PTPRN2: variants seen among roughly 807,000 people sequenced by gnomAD.
PTPRN2 encodes the protein receptor-type tyrosine-protein phosphatase N2.
In PTPRN2, 74 loss-of-function variants were observed where a neutral mutation model predicts 118.8. The ratio of observed to expected loss-of-function variants is 0.62; its 90% CI spans 0.52 to 0.76. The LOEUF (loss-of-function observed/expected upper bound fraction) is 0.76, where lower values mean the gene tolerates loss of function less well. Among genes scored for constraint, PTPRN2 ranks in the 30% least tolerant of loss-of-function variants. The probability of loss-of-function intolerance (pLI) is 0.00; values close to 1 mark genes in which losing one functional copy is unlikely to be tolerated. For synonymous variants in PTPRN2, 641 were observed against 608.0 expected, an observed-to-expected ratio of 1.05 and a Z score of -0.80; for missense variants, 1,481 against 1,394.4, an observed-to-expected ratio of 1.06 and a Z score of -0.99.
chr7:157,719,106 G>A (rs1034896334), intron 12 of PTPRN2, among the ~76,000 whole-genome samples: 2 of 152,172 alleles, frequency 1.3e-5, no homozygotes, highest in African/African-American at 4.8e-5. Context: ...GCTCAGGCCT[G>A]CAGCCAAACC....
rs12671669 is a variant in PTPRN2, at chr7:158,224,748, A to C, written c.278-19475T>G. Among the ~76,000 whole-genome samples the C allele has an allele frequency of 0.011, 1,648 of 152,324 alleles. 88 individuals carry two copies. In the East Asian group the frequency reaches 0.17, roughly 16 times the overall value. ...AAATTGGCCTTCATCAAAATTAAAA[A>C]CTTTTGCTCTGTGGAAAGGCCCTCT... is the stretch of plus-strand genomic sequence containing the variant. On this transcript the variant is annotated intron_variant, in intron 3 of 22. Coordinates refer to ENST00000389418, the MANE Select transcript of PTPRN2 (RefSeq NM_002847.5).
At chr7:158,432,126 G>A (rs1563286301) in intron 2 of PTPRN2, among the ~76,000 whole-genome samples, 5 of 152,334 alleles carry the variant, frequency 3.3e-5, no homozygotes, top group South Asian at 4.1e-4. Context: ...TGTCCAGGGC[G>A]GGGAGGACTC....
chr7:157,817,321 C>T (rs79511290), intron 12 of PTPRN2, among the ~76,000 whole-genome samples: 114 of 152,292 alleles, frequency 7.5e-4, no homozygotes, highest in Middle Eastern at 6.8e-3. Flanking sequence ...CTCCCCCAAA[C>T]GAAGAATCAT....
Position 157,779,032 on chromosome 7 carries a change from G to A in PTPRN2, c.1789-96095C>T, listed in dbSNP as rs959343240. On this transcript the variant is annotated intron_variant, in intron 12 of 22. Coordinates refer to ENST00000389418, the MANE Select transcript of PTPRN2 (RefSeq NM_002847.5). The surrounding 1 kb of genome is among the most constrained non-coding windows in gnomAD (Gnocchi z 4.7). ...GCAGAGCTCCGCTCACAGCCAGGTG[G>A]CCGTGTTCTCTGAGGGGTTGTGCCG... Among the ~76,000 whole-genome samples the A allele has an allele frequency of 2.6e-5, 4 of 152,260 alleles. No individual in the cohort carries two copies. Among genetic ancestry groups the A allele is most frequent in the South Asian group, 4.1e-4 (2 of 4,836 alleles).
In PTPRN2 at chr7:157,784,556, C is replaced by T. The variant is rs942438298; in HGVS notation, c.1789-101619G>A. Among the ~76,000 whole-genome samples, 9 of 152,176 alleles carry T rather than the reference C, an allele frequency of 5.9e-5. No homozygotes were observed. Among genetic ancestry groups the T allele is most frequent in the African/African-American group, 1.9e-4 (8 of 41,444 alleles). On this transcript the variant is annotated intron_variant, in intron 12 of 22. Transcript: ENST00000389418. The surrounding 1 kb of genome is among the most constrained non-coding windows in gnomAD (Gnocchi z 4.6). ...GAAAGCCCTATCCCGCTCGGCCTGA[C>T]CCTCCTCTCCACAAAGGGCTTGAAG...
intron 12 of PTPRN2, among the ~76,000 whole-genome samples, chr7:157,736,011 C>G (rs1445109399): frequency 2.0e-5 from 3 of 152,206 alleles, no homozygotes; most frequent in Non-Finnish European, 4.4e-5. Flanking sequence ...TGGGTGGGCC[C>G]CGTTCCCAAA....
Position 157,763,650 on chromosome 7 carries a change from C to T in PTPRN2, c.1789-80713G>A, listed in dbSNP as rs976657340. 6.6e-6 allele frequency among the ~76,000 whole-genome samples: 1 copy of T among 152,114 alleles called. No individual in the cohort carries two copies. The highest frequency in any genetic ancestry group is 1.5e-5 in the Non-Finnish European group (1 of 68,022). ...AATTCTTCTGGAAATCTTAGCCTGCCTCACTGCTTGGTTTCCTCTTCATTC... is the reference window on the plus strand; with the variant it reads ...AATTCTTCTGGAAATCTTAGCCTGCTTCACTGCTTGGTTTCCTCTTCATTC... On this transcript the variant is annotated intron_variant, in intron 12 of 22. Coordinates refer to ENST00000389418, the MANE Select transcript of PTPRN2 (RefSeq NM_002847.5). This position sits in a 1 kb window ranked among gnomAD's most constrained non-coding sequence, Gnocchi z 4.9.
chr7:158,212,320 G>A (rs1827658648), intron 3 of PTPRN2, among the ~76,000 whole-genome samples: 1 of 152,150 alleles, frequency 6.6e-6, no homozygotes, highest in African/African-American at 2.4e-5. Context: ...GTACTTGATA[G>A]CACAACAGGG....
intron 2 of PTPRN2, among the ~76,000 whole-genome samples, chr7:158,318,255 A>G (rs755176553): frequency 1.1e-4 from 16 of 152,078 alleles, no homozygotes; most frequent in Non-Finnish European, 1.8e-4. Context: ...TGCAAGCAGG[A>G]GTGGGAAAGG....
At chr7:158,132,922 T>C (rs1156750464) in intron 9 of PTPRN2, among the ~76,000 whole-genome samples, 1 of 152,116 alleles carries the variant, frequency 6.6e-6, no homozygotes, top group Non-Finnish European at 1.5e-5. Flanking sequence ...GGCAGACACG[T>C]CCTTCTCTTT....
intron 3 of PTPRN2, among the ~76,000 whole-genome samples, chr7:158,278,666 TGA>T (rs34027520): frequency 0.017 from 2,539 of 152,338 alleles, 45 homozygotes; most frequent in Non-Finnish European, 0.027. Context: ...ACCCTCGCGG[TGA>T]GTGTTACAGT....
chr7:157,576,696 C>T lies in PTPRN2; in HGVS notation c.2700G>A (p.Thr900=), dbSNP rs369846093. ...FYLKNLQTNE[T]RTVTQFHFLS... ...GGAAGTGGAACTGCGTCACGGTGCG[C>T]GTCTCGTTGGTCTGCAGGTTCTTCA... Residue 900 remains threonine (T), a synonymous_variant, in exon 19 of 23, where the codon ACG becomes ACA. Transcript: ENST00000389418. 4.3e-5 allele frequency: 70 copies of T among 1,611,124 alleles called. No homozygotes were observed. Among genetic ancestry groups the T allele is most frequent in the Non-Finnish European group, 5.6e-5 (66 of 1,178,510 alleles).
intron 12 of PTPRN2, among the ~76,000 whole-genome samples, chr7:157,721,745 G>T (rs965221403): frequency 6.6e-6 from 1 of 152,180 alleles, no homozygotes; most frequent in Non-Finnish European, 1.5e-5. Context: ...GGACCTGCCT[G>T]CCCTGGAGAG....
At chr7:158,357,524 G>A (rs1482633513) in intron 2 of PTPRN2, among the ~76,000 whole-genome samples, 1 of 152,232 alleles carries the variant, frequency 6.6e-6, no homozygotes, top group Non-Finnish European at 1.5e-5. Context: ...GGCCTTCAGG[G>A]TGCTGGGCAA....
chr7:158,198,275 C>T (rs761073761), intron 4 of PTPRN2, among the ~76,000 whole-genome samples: 10 of 152,138 alleles, frequency 6.6e-5, no homozygotes, highest in Middle Eastern at 3.2e-3. Flanking sequence ...CATTATGCCG[C>T]GTGGTGTTGT....
intron 12 of PTPRN2, among the ~76,000 whole-genome samples, chr7:157,790,335 T>G (rs1258320264): frequency 2.0e-5 from 3 of 151,668 alleles, no homozygotes; most frequent in African/African-American, 4.9e-5. Flanking sequence ...GGTGGCAGGA[T>G]GTCATTAACT....
chr7:157,632,711 C>T lies in PTPRN2; in HGVS notation c.2197-11202G>A, dbSNP rs1193743652. Among the ~76,000 whole-genome samples, 1 of 151,966 alleles carries T rather than the reference C, an allele frequency of 6.6e-6. No individual in the cohort carries two copies. Among genetic ancestry groups the T allele is most frequent in the Admixed American group, 6.5e-5 (1 of 15,268 alleles). On this transcript the variant is annotated intron_variant, in intron 14 of 22. Coordinates refer to ENST00000389418, the MANE Select transcript of PTPRN2 (RefSeq NM_002847.5). The surrounding 1 kb of genome is among the most constrained non-coding windows in gnomAD (Gnocchi z 4.3). Reference sequence around the variant, plus strand: ...TCAGGCTGTCATTCTCAGAGAAGCGCAAAGAATTTTAAATGAACAATTTTA... The same window carrying T: ...TCAGGCTGTCATTCTCAGAGAAGCGTAAAGAATTTTAAATGAACAATTTTA...
At chr7:157,736,570 G>A (rs1800312064) in intron 12 of PTPRN2, among the ~76,000 whole-genome samples, 1 of 151,428 alleles carries the variant, frequency 6.6e-6, no homozygotes, top group Admixed American at 6.6e-5. Context: ...CCCACAGCTT[G>A]GTCTGGGACT....
chr7:158,395,697 G>C (rs868611686), intron 2 of PTPRN2, among the ~76,000 whole-genome samples: 10 of 58,470 alleles, frequency 1.7e-4, no homozygotes, highest in Non-Finnish European at 3.1e-4. Context: ...CGCGAGGGGC[G>C]AGGGGCGAGG....
Sources: gnomAD v4.1 joint callset for allele counts (sites outside exome capture counted in the v4.1 genomes callset) on GRCh38, gnomAD v4.1.1 for gene constraint, Gnocchi (gnomAD v3.1) non-coding constraint, MANE v1.5 for transcripts, NCBI Gene and HGNC (gene_info 2026-07-23, HGNC 2026-07-21) for gene names.